Variants in CASTOR1 observed in about 807,000 individuals in gnomAD.
CASTOR1 encodes cytosolic arginine sensor for mTORC1 subunit 1.
CASTOR1 carries 18 observed loss-of-function variants against 33.7 expected under a neutral mutation model. The ratio of observed to expected loss-of-function variants is 0.53; its 90% confidence interval spans 0.37 to 0.79. CASTOR1 has a LOEUF of 0.79. Among genes scored for constraint, CASTOR1 ranks in the 30% least tolerant of loss-of-function variants. CASTOR1 has a pLI of 0.00. For synonymous variants in CASTOR1, 175 were observed against 190.6 expected (o/e 0.92, Z 0.67); for missense variants, 362 against 446.3 (o/e 0.81, Z 1.70).
chr22:30,289,082 T>C, intron 1 of CASTOR1: 1 of 558,384 alleles, frequency 1.8e-6, no homozygotes, highest in Non-Finnish European at 3.2e-6. Flanking sequence ...CCCTCTGACA[T>C]GAAGGGAGGC....
chr22:30,285,382 G>A lies in CASTOR1; in HGVS notation c.*238C>T, dbSNP rs182370817. 7 of 470,912 alleles carry A rather than the reference G, an allele frequency of 1.5e-5. No homozygotes were observed. The highest frequency in any genetic ancestry group is 4.3e-5 in the Admixed American group (1 of 23,406). The allele number at this position is 470,912 out of a possible 1,614,324, so 29.2% of individuals were successfully genotyped here. The stretch of plus-strand genomic sequence containing the variant: ...GTTGGGGGCTTAAGCCCCGAGCACC[G>A]TGTTCCCCTGCATGGGCAGACACGC... On this transcript the variant is annotated 3_prime_UTR_variant, in exon 9 of 9. Coordinates refer to ENST00000407689, the MANE Select transcript of CASTOR1 (RefSeq NM_001037666.3).
chr22:30,288,465 G>T (rs1183888977), intron 2 of CASTOR1, among the ~76,000 whole-genome samples: 1 of 152,146 alleles, frequency 6.6e-6, no homozygotes, highest in Non-Finnish European at 1.5e-5. Flanking sequence ...AAGGCCTCAT[G>T]GGACCCTATG....
Position 30,289,474 on chromosome 22 carries a change from G to A in CASTOR1, c.24C>T (p.His8=), listed in dbSNP as rs1025438599. 6.3e-7 allele frequency: 1 copy of A among 1,597,410 alleles called. No homozygotes were observed. Among genetic ancestry groups the A allele is most frequent in the African/African-American group, 1.4e-5 (1 of 73,496 alleles). ...GGGCGACGCTCAGCACCCGCACCCG[G>A]TGTTCTAGGATGTGCAGCTCCATCG... MELHILE[H]RVRVLSVARP... Residue 8 remains histidine (H), a synonymous_variant, in exon 1 of 9, where the codon CAC becomes CAT. Transcript: ENST00000407689.
chr22:30,286,804 A>C (rs1352715492), intron 5 of CASTOR1, 21 bp downstream of exon 5: 2 of 1,613,714 alleles, frequency 1.2e-6, no homozygotes, highest in East Asian at 2.2e-5. Context: ...GTGAGGACAA[A>C]GACGAAGTTC....
At chr22:30,287,980 C>T in intron 2 of CASTOR1, 1 of 439,686 alleles carries the variant, frequency 2.3e-6, no homozygotes, top group South Asian at 1.7e-5. Context: ...TGGGGGATTG[C>T]CTTCCCCTTT....
At chr22:30,287,774 C>A (rs1929818741) in intron 2 of CASTOR1, 2 of 699,972 alleles carry the variant, frequency 2.9e-6, no homozygotes, top group Non-Finnish European at 5.2e-6. Context: ...GATCAGAGGT[C>A]CAGATTCAGA....
intron 2 of CASTOR1, 127 bp downstream of exon 2, chr22:30,288,579 C>G (rs547595999): frequency 2.7e-6 from 2 of 729,672 alleles, no homozygotes. Context: ...GAGTAGGATT[C>G]GAACCCCGAC....
intron 6 of CASTOR1, 76 bp from the exon 7 acceptor site, chr22:30,286,174 C>T: frequency 1.4e-6 from 2 of 1,428,014 alleles, no homozygotes. Context: ...GACAGGTACA[C>T]CTGCTGACCT....
At position 30,287,147 on chromosome 22, in the gene CASTOR1, G is replaced by A. The variant is rs368890962; in HGVS notation, c.505+8C>T. The A allele has an allele frequency of 1.9e-6, 3 of 1,607,286 alleles. No individual in the cohort carries two copies. Among genetic ancestry groups the A allele is most frequent in the Admixed American group, 1.7e-5 (1 of 59,446 alleles). On this transcript the variant is annotated splice_region_variant and intron_variant, in intron 4 of 8. Transcript: ENST00000407689. ...GCCCAAGTCCAAGTGTCAGGGGGCG[G>A]CCCTCACCATGCTGAGTGCGGGGAA...
At chr22:30,286,750 T>G (rs1364788987) in intron 5 of CASTOR1, 75 bp downstream of exon 5, 8 of 1,589,336 alleles carry the variant, frequency 5.0e-6, no homozygotes, top group Non-Finnish European at 2.6e-6. Context: ...GCAAAACTGA[T>G]AGATGGGCGG....
chr22:30,287,729 G>C, intron 2 of CASTOR1, 169 bp from the exon 3 acceptor site: 1 of 733,938 alleles, frequency 1.4e-6, no homozygotes, highest in Non-Finnish European at 2.4e-6. Flanking sequence ...AAGGCTTCAA[G>C]TGCTGGCCTG....
rs568722753 is a variant in CASTOR1, at chr22:30,287,809, T to C, written c.185-249A>G. On this transcript the variant is annotated intron_variant, in intron 2 of 8. Transcript: ENST00000407689. ...ACAGACCTGGGTTCAAATCCCAGCT[T>C]TGTTAATTTGTCTTATGACCTGGGG... 1.6e-5 allele frequency: 11 copies of C among 680,968 alleles called. No individual in the cohort carries two copies. In the East Asian group the frequency reaches 1.7e-4, roughly 11 times the overall value. The allele number at this position is 680,968 out of a possible 1,614,324, so 42.2% of individuals were successfully genotyped here. A position where few individuals can be genotyped will look rare whatever the true frequency, so the allele number is the denominator to read the frequency against.
In CASTOR1 at chr22:30,286,817, A is replaced by G; in HGVS notation, c.629+8T>C. The G allele has an allele frequency of 6.2e-7, 1 of 1,613,784 alleles. No homozygotes were observed. Among genetic ancestry groups the G allele is most frequent in the East Asian group, 2.2e-5 (1 of 44,852 alleles). ...CTGTGAGGACAAAGACGAAGTTCCAAGGTCCACCTGTGCGAGTAGAAGAGG... is the reference window on the plus strand; with the variant it reads ...CTGTGAGGACAAAGACGAAGTTCCAGGGTCCACCTGTGCGAGTAGAAGAGG... On this transcript the variant is annotated splice_region_variant and intron_variant, in intron 5 of 8. Transcript: ENST00000407689.
chr22:30,289,331 G>C, intron 1 of CASTOR1, 54 bp downstream of exon 1: 1 of 1,286,176 alleles, frequency 7.8e-7, no homozygotes, highest in African/African-American at 1.5e-5. Flanking sequence ...CCCTGGCCCG[G>C]AGCGAGAGCA....
At chr22:30,286,161 T>A in intron 6 of CASTOR1, 63 bp from the exon 7 acceptor site, 1 of 1,434,058 alleles carries the variant, frequency 7.0e-7, no homozygotes, top group Non-Finnish European at 9.6e-7. Context: ...CCGTGAGCTC[T>A]GGGACAGGTA....
intron 1 of CASTOR1, chr22:30,288,982 C>A (rs966635046): frequency 1.8e-6 from 1 of 559,816 alleles, no homozygotes; most frequent in Non-Finnish European, 3.2e-6. Context: ...TCTCCAGGAA[C>A]CCTCCACCCC....
chr22:30,285,804 C>A (rs753767117), intron 8 of CASTOR1, 28 bp downstream of exon 8: 202 of 155,584 alleles, frequency 1.3e-3, no homozygotes, highest in Non-Finnish European at 1.6e-3. Context: ...GCCTCACTCT[C>A]CCCTCTGCCC....
At chr22:30,286,225 T>A in intron 6 of CASTOR1, 38 bp downstream of exon 6, 1 of 1,520,184 alleles carries the variant, frequency 6.6e-7, no homozygotes, top group Non-Finnish European at 9.1e-7. Flanking sequence ...TGGGACTGGC[T>A]GGGGCCTGGG....
At position 30,286,290 on chromosome 22, in the gene CASTOR1, A is replaced by C; in HGVS notation, c.716T>G (p.Ile239Ser). ...TTTCTGTGTTTCAGCATCCATGACAATGGAGATATAACCCTCGATGAGGGA... is the reference window on the plus strand; with the variant it reads ...TTTCTGTGTTTCAGCATCCATGACACTGGAGATATAACCCTCGATGAGGGA... ...AFSLIEGYIS[I>S]VMDAETQKKF... Residue 239 changes from isoleucine (I) to serine (S), a missense_variant, in exon 6 of 9, where the codon ATT becomes AGT. Transcript: ENST00000407689. The C allele has an allele frequency of 6.2e-7, 1 of 1,613,836 alleles. No individual in the cohort carries two copies. Among genetic ancestry groups the C allele is most frequent in the South Asian group, 1.1e-5 (1 of 91,070 alleles).
Sources: gnomAD v4.1 joint callset for allele counts (sites outside exome capture counted in the v4.1 genomes callset) on GRCh38, gnomAD v4.1.1 for gene constraint, MANE v1.5 for transcripts, NCBI Gene and HGNC (gene_info 2026-07-23, HGNC 2026-07-21) for gene names.